VWA8: variants seen among roughly 807,000 people sequenced by gnomAD.
VWA8 encodes the protein von Willebrand factor A domain-containing protein 8.
A neutral mutation model predicts 241.5 loss-of-function variants in VWA8; 221 were observed. The ratio of observed to expected loss-of-function variants is 0.91; its 90% CI spans 0.82 to 1.02. VWA8 has a LOEUF of 1.02. Ranked by LOEUF, VWA8 falls within the 50% of genes least tolerant of loss-of-function variation. VWA8 has a pLI of 0.00. For missense variants in VWA8, 2,322 were observed against 2,328.7 expected (o/e 1.00, Z 0.06); for synonymous variants, 852 against 827.1 (o/e 1.03, Z -0.52).
chr13:41,844,432 A>C (rs1292393019), intron 12 of VWA8, among the ~76,000 whole-genome samples: 1 of 152,184 alleles, frequency 6.6e-6, no homozygotes, highest in Non-Finnish European at 1.5e-5. Flanking sequence ...CAACTGAACA[A>C]GACAAGGATG....
Position 41,567,734 on chromosome 13 carries a change from A to C in VWA8, c.*463T>G, listed in dbSNP as rs574969787. ...ACAGAGCAGGGAGAAAATAAAAATA[A>C]TTGTTGGATAGGAGCATTTTGGTGG... is the stretch of plus-strand genomic sequence containing the variant. On this transcript the variant is annotated 3_prime_UTR_variant, in exon 45 of 45. Coordinates refer to ENST00000379310, the MANE Select transcript of VWA8 (RefSeq NM_015058.2). 3.2e-3 allele frequency: 493 copies of C among 153,428 alleles called. 3 individuals carry two copies. The highest frequency in any genetic ancestry group is 0.011 in the African/African-American group (458 of 41,592). 9.5% of individuals were successfully genotyped at this position (153,428 alleles called of 1,614,324 possible).
rs1876819517 is a variant in VWA8, at chr13:41,926,108, T to G, written c.242-13940A>C. Reference sequence around the variant, plus strand: ...ATAAATCAGAAGAATTTATTCATATTAGTAAGAAACTGCATCAAGGAGACA... The same window carrying G: ...ATAAATCAGAAGAATTTATTCATATGAGTAAGAAACTGCATCAAGGAGACA... On this transcript the variant is annotated intron_variant, in intron 2 of 44. Coordinates refer to ENST00000379310, the MANE Select transcript of VWA8 (RefSeq NM_015058.2). The G allele has an allele frequency of 4.1e-5, 22 of 537,490 alleles. No individual in the cohort carries two copies. In the South Asian group the frequency reaches 5.2e-4, roughly 13 times the overall value. 33.3% of individuals were successfully genotyped at this position (537,490 alleles called of 1,614,324 possible).
intron 12 of VWA8, among the ~76,000 whole-genome samples, chr13:41,840,814 A>G (rs1242735464): frequency 2.6e-5 from 4 of 152,144 alleles, no homozygotes; most frequent in Admixed American, 6.5e-5. Context: ...CCAAATCAGA[A>G]GCAGCACCAC....
Position 41,960,975 on chromosome 13 carries a change from T to TG in VWA8, c.40dup (p.His14ProfsTer43). On this transcript the variant is annotated frameshift_variant, in exon 1 of 45. Coordinates refer to ENST00000379310, the MANE Select transcript of VWA8 (RefSeq NM_015058.2). LOFTEE classifies it high-confidence loss of function. ...CATGCGCCGCGAGGCCGGGCCGCCG[T>TG]GGCCTCCGGGTGCCCCGAGGAGTAG... 1 of 1,421,478 alleles carries TG rather than the reference T, an allele frequency of 7.0e-7. No homozygotes were observed. Among genetic ancestry groups the TG allele is most frequent in the Non-Finnish European group, 9.1e-7 (1 of 1,096,710 alleles). 88.1% of individuals were successfully genotyped at this position (1,421,478 alleles called of 1,614,324 possible). A position where few individuals can be genotyped will look rare whatever the true frequency, so the allele number is the denominator to read the frequency against.
intron 35 of VWA8, among the ~76,000 whole-genome samples, chr13:41,682,258 G>A (rs2045105850): frequency 6.6e-6 from 1 of 152,156 alleles, no homozygotes; most frequent in Non-Finnish European, 1.5e-5. Flanking sequence ...TAAAGGCAGT[G>A]CAAAAGAGAA....
intron 1 of VWA8, among the ~76,000 whole-genome samples, chr13:41,951,548 G>A (rs1878139443): frequency 6.6e-6 from 1 of 152,166 alleles, no homozygotes; most frequent in Non-Finnish European, 1.5e-5. Flanking sequence ...TAAAGCCGAG[G>A]ACTAAACTGA....
At chr13:41,780,223 C>T (rs1443679515) in intron 19 of VWA8, among the ~76,000 whole-genome samples, 5 of 152,162 alleles carry the variant, frequency 3.3e-5, no homozygotes, top group Non-Finnish European at 7.4e-5. Flanking sequence ...CCACTTCTGA[C>T]CCTGCTCTCC....
intron 17 of VWA8, among the ~76,000 whole-genome samples, chr13:41,799,300 C>T (rs953050437): frequency 1.3e-5 from 2 of 152,116 alleles, no homozygotes; most frequent in African/African-American, 4.8e-5. Flanking sequence ...TTGGTGTTTT[C>T]TACTAAGCCT....
chr13:41,844,348 A>G (rs1872191629), intron 12 of VWA8, among the ~76,000 whole-genome samples: 1 of 152,178 alleles, frequency 6.6e-6, no homozygotes, highest in Non-Finnish European at 1.5e-5. Context: ...AAAATAATAT[A>G]ATAAGAGCCA....
At chr13:41,750,268 A>C (rs1169554768) in intron 21 of VWA8, among the ~76,000 whole-genome samples, 1 of 151,936 alleles carries the variant, frequency 6.6e-6, no homozygotes, top group African/African-American at 2.4e-5. Context: ...CCCTGTCTCT[A>C]CTAAAAATAC....
intron 20 of VWA8, among the ~76,000 whole-genome samples, chr13:41,770,440 C>CAAAAAAAA (rs35797822): frequency 1.3e-4 from 13 of 102,336 alleles, no homozygotes; most frequent in Non-Finnish European, 2.1e-4. Context: ...GACTCCGTTT[C>CAAAAAAAA]AAAAAAAAAA....
Position 41,960,938 on chromosome 13 carries a change from C to T in VWA8, c.78G>A (p.Leu26=). The T allele has an allele frequency of 6.7e-7, 1 of 1,486,832 alleles. No homozygotes were observed. The highest frequency in any genetic ancestry group is 1.3e-5 in the South Asian group (1 of 78,990). The allele number at this position is 1,486,832 out of a possible 1,614,324, so 92.1% of individuals were successfully genotyped here. The change falls in exon 1 of 45, where the codon CTG becomes CTA. Residue 26 remains leucine (L), a synonymous_variant. Coordinates refer to ENST00000379310, the MANE Select transcript of VWA8 (RefSeq NM_015058.2). ...CCGGCCTGCGCTGCACCACCTGCCG[C>T]AGGAGCAGCCGCATGCGCCGCGAGG... ...GPASRRMRLL[L]RQVVQRRPGG...
At chr13:41,661,270 T>C (rs2044948357) in intron 37 of VWA8, among the ~76,000 whole-genome samples, 1 of 152,216 alleles carries the variant, frequency 6.6e-6, no homozygotes, top group East Asian at 1.9e-4. Context: ...CTGACTTCTA[T>C]GGGAACCAAC....
intron 15 of VWA8, among the ~76,000 whole-genome samples, chr13:41,818,897 T>G (rs1209639432): frequency 6.6e-6 from 1 of 152,186 alleles, no homozygotes; most frequent in Non-Finnish European, 1.5e-5. Context: ...TTCATGGTTC[T>G]TAGAGTGTGG....
chr13:41,884,734 AT>A (rs1216345522), intron 8 of VWA8, among the ~76,000 whole-genome samples: 1 of 152,158 alleles, frequency 6.6e-6, no homozygotes, highest in Non-Finnish European at 1.5e-5. Context: ...AAAACAAAAG[AT>A]TTCATAAGAA....
intron 37 of VWA8, among the ~76,000 whole-genome samples, chr13:41,620,233 T>C (rs1056705081): frequency 1.3e-5 from 2 of 152,144 alleles, no homozygotes; most frequent in Non-Finnish European, 2.9e-5. Flanking sequence ...TCCATTTCTT[T>C]TAGATTTTCT....
At chr13:41,747,063 A>G (rs530409913) in intron 21 of VWA8, among the ~76,000 whole-genome samples, 1 of 152,178 alleles carries the variant, frequency 6.6e-6, no homozygotes, top group Non-Finnish European at 1.5e-5. Context: ...TTGGCTTAGG[A>G]TTGACTTGGC....
rs553465043 is a variant in VWA8 at position 41,648,667 on chromosome 13, C to G, written c.4611+22279G>C. Among the ~76,000 whole-genome samples, 5 of 152,292 alleles carry G rather than the reference C, an allele frequency of 3.3e-5. No homozygotes were observed. The South Asian group carries it at 1.0e-3, about 32-fold the overall frequency. On this transcript the variant is annotated intron_variant, in intron 37 of 44. Transcript: ENST00000379310. ...AATAATCTTTTCTTCAAATACTTTA[C>G]ATACAGACCTACAAAAACTTTTTCA...
At chr13:41,573,019 G>A (rs1432503085) in intron 43 of VWA8, among the ~76,000 whole-genome samples, 2 of 150,224 alleles carry the variant, frequency 1.3e-5, no homozygotes, top group Non-Finnish European at 3.0e-5. Context: ...TGGGACAGGA[G>A]AGTCGCTTGG....
Sources: allele counts gnomAD v4.1 joint callset (sites outside exome capture counted in the v4.1 genomes callset), GRCh38; gene constraint gnomAD v4.1.1; transcripts MANE v1.5; gene names NCBI Gene and HGNC (gene_info 2026-07-23, HGNC 2026-07-21).